The following IL1RAPL2 variants were observed in gnomAD, a reference collection of about 807,000 sequenced individuals.
The protein encoded by IL1RAPL2 is interleukin 1 receptor accessory protein like 2.
A neutral mutation model predicts 44.1 loss-of-function variants in IL1RAPL2; 3 were observed. That is an observed-to-expected ratio of 0.07 (90% CI 0.03 to 0.18). The LOEUF (loss-of-function observed/expected upper bound fraction) is 0.18. IL1RAPL2 is among the 10% of genes least tolerant of loss of function. The probability of loss-of-function intolerance (pLI) is 1.00; values close to 1 mark genes in which losing one functional copy is unlikely to be tolerated. For synonymous variants in IL1RAPL2, 181 were observed against 178.8 expected (o/e 1.01, Z -0.10); for missense variants, 391 against 496.4 (o/e 0.79, Z 2.02).
intron 2 of IL1RAPL2, among the ~76,000 whole-genome samples, chrX:104,854,460 C>T (rs1418185036): frequency 8.9e-6 from 1 of 111,742 alleles, no homozygotes; most frequent in Non-Finnish European, 1.9e-5. Context: ...AAAAGCACAA[C>T]ATAATACCAC....
chrX:105,046,732 T>C (rs1300694215), intron 2 of IL1RAPL2, among the ~76,000 whole-genome samples: 5 of 111,155 alleles, frequency 4.5e-5, no homozygotes, highest in South Asian at 7.6e-4. Context: ...TCCATTCTTG[T>C]ATTCTTACTA....
intron 5 of IL1RAPL2, among the ~76,000 whole-genome samples, chrX:105,338,996 G>A (rs769230494): frequency 3.6e-5 from 4 of 111,361 alleles, no homozygotes; most frequent in Admixed American, 1.9e-4. Flanking sequence ...CCAGCTACTC[G>A]GGAGGCTGAG....
intron 2 of IL1RAPL2, among the ~76,000 whole-genome samples, chrX:105,120,651 A>G (rs1266942482): frequency 1.8e-5 from 2 of 111,649 alleles, no homozygotes; most frequent in South Asian, 3.7e-4. Context: ...TCTTTGGGCA[A>G]TATTTCACTT....
chrX:105,746,677 A>C (rs188182589), intron 8 of IL1RAPL2, among the ~76,000 whole-genome samples: 1 of 111,816 alleles, frequency 8.9e-6, no homozygotes, highest in East Asian at 2.8e-4. Context: ...TTCTTCCATA[A>C]ATTTACTGCT....
rs748022447 is a variant in IL1RAPL2 at position 105,491,724 on chromosome X, A to G, written c.772+7337A>G. On this transcript the variant is annotated intron_variant, in intron 6 of 10. Transcript: ENST00000372582. Reference sequence around the variant, plus strand: ...AAAACCATTCTATTGCCCAGATCATATACCATGTGCATTATTTACAGCTTT... The same window carrying G: ...AAAACCATTCTATTGCCCAGATCATGTACCATGTGCATTATTTACAGCTTT... Among the ~76,000 whole-genome samples, 326 of 112,102 alleles carry G rather than the reference A, an allele frequency of 2.9e-3. 1 individual carries two copies. Among genetic ancestry groups the G allele is most frequent in the Non-Finnish European group, 3.6e-3 (191 of 53,223 alleles).
chrX:105,361,836 T>C (rs978011893), intron 5 of IL1RAPL2, among the ~76,000 whole-genome samples: 2 of 111,718 alleles, frequency 1.8e-5, no homozygotes, highest in East Asian at 2.8e-4. Context: ...GTTATGTGAT[T>C]GTTTAAGGTT....
intron 2 of IL1RAPL2, among the ~76,000 whole-genome samples, chrX:104,848,090 T>G: frequency 9.1e-6 from 1 of 110,408 alleles, no homozygotes. Flanking sequence ...AAGGAGATTT[T>G]GGGCTGAGGC....
intron 6 of IL1RAPL2, among the ~76,000 whole-genome samples, chrX:105,609,536 T>C (rs753744673): frequency 3.6e-5 from 4 of 111,960 alleles, no homozygotes; most frequent in Non-Finnish European, 5.6e-5. Flanking sequence ...TAAGTTTTAG[T>C]TTTTCCTTTT....
intron 6 of IL1RAPL2, among the ~76,000 whole-genome samples, chrX:105,639,757 T>C (rs2037551069): frequency 9.0e-6 from 1 of 111,075 alleles, no homozygotes; most frequent in Admixed American, 9.6e-5. Context: ...CTCCTTACCT[T>C]TCCTTTCCTC....
intron 2 of IL1RAPL2, among the ~76,000 whole-genome samples, chrX:105,035,063 G>A (rs913886096): frequency 8.9e-6 from 1 of 111,780 alleles, no homozygotes; most frequent in African/African-American, 3.3e-5. Context: ...ATAATCTCCT[G>A]GTGTGCCGTT....
chrX:104,892,233 C>T (rs1292171819), intron 2 of IL1RAPL2, among the ~76,000 whole-genome samples: 1 of 111,671 alleles, frequency 9.0e-6, no homozygotes, highest in East Asian at 2.8e-4. Flanking sequence ...CAATGTTCAT[C>T]AAGGATATTG....
At chrX:104,859,096 A>G (rs1268746571) in intron 2 of IL1RAPL2, among the ~76,000 whole-genome samples, 3 of 111,312 alleles carry the variant, frequency 2.7e-5, no homozygotes, top group African/African-American at 9.8e-5. Flanking sequence ...TGATGAGGCT[A>G]CTAGGGTGTA....
At chrX:104,910,192 A>G (rs910503235) in intron 2 of IL1RAPL2, among the ~76,000 whole-genome samples, 8 of 112,144 alleles carry the variant, frequency 7.1e-5, no homozygotes, top group African/African-American at 1.6e-4. Context: ...GAGTGAGGCA[A>G]TGCCTCGCCA....
intron 6 of IL1RAPL2, among the ~76,000 whole-genome samples, chrX:105,491,794 TTGAG>T (rs1183537877): frequency 2.7e-5 from 3 of 112,196 alleles, no homozygotes; most frequent in African/African-American, 9.7e-5. Flanking sequence ...GGCTGCAGTA[TTGAG>T]TGAGACTGAA....
chrX:105,401,779 G>C (rs2035608182), intron 5 of IL1RAPL2, among the ~76,000 whole-genome samples: 1 of 110,003 alleles, frequency 9.1e-6, no homozygotes, highest in African/African-American at 3.3e-5. Flanking sequence ...GAAATCTTAG[G>C]GTAACTGTTA....
At chrX:105,402,805 T>C (rs1191929296) in intron 5 of IL1RAPL2, among the ~76,000 whole-genome samples, 1 of 112,081 alleles carries the variant, frequency 8.9e-6, no homozygotes, top group African/African-American at 3.2e-5. Flanking sequence ...ACTTAATGGA[T>C]AAAAGACTAG....
In IL1RAPL2 at chrX:104,751,974, C is replaced by A. The variant is rs184468291; in HGVS notation, c.82+92979C>A. 4.3e-3 allele frequency among the ~76,000 whole-genome samples: 480 copies of A among 111,142 alleles called. 1 individual carries two copies. The highest frequency in any genetic ancestry group is 0.015 in the African/African-American group (451 of 30,633). On this transcript the variant is annotated intron_variant, in intron 2 of 10. Transcript: ENST00000372582. ...TTCCTGTTAGTATTTAACAAAACAG[C>A]AATCACCCCCATCTCTCTCTTTCTG... is the stretch of plus-strand genomic sequence containing the variant.
At chrX:104,628,811 A>G (rs1362483385) in intron 1 of IL1RAPL2, among the ~76,000 whole-genome samples, 1 of 112,316 alleles carries the variant, frequency 8.9e-6, no homozygotes, top group Non-Finnish European at 1.9e-5. Flanking sequence ...TTTTGTATGA[A>G]TCTATACTAC....
At chrX:105,597,691 A>G (rs192045158) in intron 6 of IL1RAPL2, among the ~76,000 whole-genome samples, 297 of 111,498 alleles carry the variant, frequency 2.7e-3, no homozygotes, top group Admixed American at 6.0e-3. Flanking sequence ...CTATGATTCA[A>G]TCACCTCCCA....
Sources: gnomAD v4.1 joint callset for allele counts (sites outside exome capture counted in the v4.1 genomes callset) on GRCh38, gnomAD v4.1.1 for gene constraint, MANE v1.5 for transcripts, NCBI Gene and HGNC (gene_info 2026-07-23, HGNC 2026-07-21) for gene names.